The following ADARB2 variants were observed in gnomAD, a reference collection of about 807,000 sequenced individuals.
The protein encoded by ADARB2 is inactive double-stranded RNA-specific editase B2.
A neutral mutation model predicts 62.2 loss-of-function variants in ADARB2; 25 were observed. The ratio of observed to expected loss-of-function variants is 0.40; its 90% CI spans 0.29 to 0.56. The LOEUF (loss-of-function observed/expected upper bound fraction) is 0.56, where lower values mean the gene tolerates loss of function less well. Ranked by LOEUF, ADARB2 falls within the 20% of genes least tolerant of loss-of-function variation. The pLI is 0.43. For synonymous variants in ADARB2, 572 were observed against 500.8 expected, an observed-to-expected ratio of 1.14 and a Z score of -1.90; for missense variants, 1,071 against 1,077.4, an observed-to-expected ratio of 0.99 and a Z score of 0.08.
At chr10:1,184,010 T>G (rs1184630396) in intron 9 of ADARB2, among the ~76,000 whole-genome samples, 2 of 151,972 alleles carry the variant, frequency 1.3e-5, no homozygotes, top group Non-Finnish European at 2.9e-5. Context: ...ACCTTCCAAG[T>G]CTCCAGGAGA....
chr10:1,358,632 GTT>G (rs5782577), intron 3 of ADARB2, among the ~76,000 whole-genome samples: 5 of 129,208 alleles, frequency 3.9e-5, no homozygotes, highest in South Asian at 2.8e-4. Context: ...CAAATGGAAA[GTT>G]TTTTTTTTTC....
chr10:1,223,944 C>T (rs140745915), intron 6 of ADARB2, among the ~76,000 whole-genome samples: 2 of 152,092 alleles, frequency 1.3e-5, no homozygotes, highest in African/African-American at 2.4e-5. Context: ...TCGTAAAATG[C>T]GTTAGGGAGG....
intron 7 of ADARB2, among the ~76,000 whole-genome samples, chr10:1,209,031 G>A (rs1837107157): frequency 6.6e-6 from 1 of 152,184 alleles, no homozygotes; most frequent in Admixed American, 6.5e-5. Flanking sequence ...AGATACCACG[G>A]TGGATTTCAG....
chr10:1,561,357 A>C (rs578145304), intron 1 of ADARB2, among the ~76,000 whole-genome samples: 128 of 152,342 alleles, frequency 8.4e-4, no homozygotes, highest in African/African-American at 2.8e-3. Flanking sequence ...TATTTTCATC[A>C]GTCCCAAACT....
rs116549489 is a variant in ADARB2 at position 1,443,209 on chromosome 10, T to C, written c.101-64049A>G. On this transcript the variant is annotated intron_variant, in intron 1 of 9. Transcript: ENST00000381312. ...AAACACCCAAATTCAAAGCTTATTT[T>C]TCTGTCCTGTGCTTGGGACTCATTT... 1.4e-3 allele frequency among the ~76,000 whole-genome samples: 212 copies of C among 152,256 alleles called. 1 individual carries two copies. The highest frequency in any genetic ancestry group is 4.6e-3 in the African/African-American group (193 of 41,564).
chr10:1,482,908 T>C (rs535077743), intron 1 of ADARB2, among the ~76,000 whole-genome samples: 1 of 152,190 alleles, frequency 6.6e-6, no homozygotes, highest in Non-Finnish European at 1.5e-5. Context: ...AAATTTTCTT[T>C]ATACTTGGGC....
At chr10:1,709,656 C>A (rs1834928596) in intron 1 of ADARB2, among the ~76,000 whole-genome samples, 1 of 152,188 alleles carries the variant, frequency 6.6e-6, no homozygotes, top group Non-Finnish European at 1.5e-5. Flanking sequence ...GGGGAACATT[C>A]TGAAAGTATC....
intron 1 of ADARB2, among the ~76,000 whole-genome samples, chr10:1,449,484 G>A (rs1831012391): frequency 6.6e-6 from 1 of 152,188 alleles, no homozygotes. Flanking sequence ...GGTGTCTCCT[G>A]TGACTTCTGC....
rs1410228067 is a variant in ADARB2 at position 1,186,621 on chromosome 10, G to A, written c.1865-1582C>T. 4 of 508,850 alleles carry A rather than the reference G, an allele frequency of 7.9e-6. No individual in the cohort carries two copies. In the East Asian group the frequency reaches 2.2e-4, roughly 28 times the overall value. 31.5% of individuals were successfully genotyped at this position (508,850 alleles called of 1,614,324 possible). ...CCTGGCCTGCTGTCCTGTGGTGCTT[G>A]GAGGCGAGCGGGGCCCCTGAGTTCT... On this transcript the variant is annotated intron_variant, in intron 8 of 9. Transcript: ENST00000381312.
intron 1 of ADARB2, among the ~76,000 whole-genome samples, chr10:1,456,363 C>T (rs1831095830): frequency 6.6e-6 from 1 of 152,172 alleles, no homozygotes; most frequent in South Asian, 2.1e-4. Flanking sequence ...ACACCAGCAA[C>T]GGCTCCTGGA....
chr10:1,570,908 C>G, intron 1 of ADARB2, among the ~76,000 whole-genome samples: 1 of 152,054 alleles, frequency 6.6e-6, no homozygotes, highest in Non-Finnish European at 1.5e-5. Context: ...GCAGGAGAGG[C>G]TGCTGCTCCA....
At chr10:1,362,970 G>T in intron 3 of ADARB2, 58 bp downstream of exon 3, 1 of 1,265,820 alleles carries the variant, frequency 7.9e-7, no homozygotes, top group South Asian at 2.6e-5. Flanking sequence ...GGAAAGGTCG[G>T]GGTCTCCCCC....
chr10:1,185,270 A>C (rs942891589), intron 8 of ADARB2, among the ~76,000 whole-genome samples: 8 of 152,220 alleles, frequency 5.3e-5, no homozygotes, highest in Non-Finnish European at 1.0e-4. Context: ...TCAACCTTCT[A>C]ATCGAAGATT....
Position 1,363,212 on chromosome 10 carries a change from G to C in ADARB2, c.893C>G (p.Pro298Arg), listed in dbSNP as rs377134415. The change falls in exon 3 of 10, where the codon CCG (proline) becomes CGG (arginine). Residue 298 changes from proline (P) to arginine (R), a missense_variant. Physicochemically the swap from Pro to Arg is moderately radical, Grantham distance 103. Transcript: ENST00000381312. ...AGLRYVCLAEPAERRARSFVM... is the reference protein window; with the variant it reads ...AGLRYVCLAERAERRARSFVM... The stretch of plus-strand genomic sequence containing the variant: ...GAAGCTCCGCGCGCGCCGCTCGGCC[G>C]GTTCTGCCAGACACACGTAGCGCAG... 236 of 1,464,370 alleles carry C rather than the reference G, an allele frequency of 1.6e-4. No homozygotes were observed. In the African/African-American group the frequency reaches 3.3e-3, roughly 21 times the overall value. 90.7% of individuals were successfully genotyped at this position (1,464,370 alleles called of 1,614,324 possible).
At chr10:1,508,646 G>A (rs988522933) in intron 1 of ADARB2, among the ~76,000 whole-genome samples, 1 of 152,188 alleles carries the variant, frequency 6.6e-6, no homozygotes, top group East Asian at 1.9e-4. Context: ...GGATGTGGTG[G>A]TGGGCACCTG....
chr10:1,283,679 G>A (rs557460359), intron 3 of ADARB2, among the ~76,000 whole-genome samples: 4 of 152,186 alleles, frequency 2.6e-5, no homozygotes, highest in African/African-American at 9.6e-5. Context: ...ACATGCCTGA[G>A]CAGTGGAGTG....
chr10:1,651,856 C>A (rs2119073596), intron 1 of ADARB2, among the ~76,000 whole-genome samples: 1 of 152,260 alleles, frequency 6.6e-6, no homozygotes, highest in Non-Finnish European at 1.5e-5. Context: ...CCCACACGAC[C>A]CAGGGTTGGT....
intron 3 of ADARB2, among the ~76,000 whole-genome samples, chr10:1,320,353 TC>T (rs561441820): frequency 6.6e-6 from 1 of 152,216 alleles, no homozygotes; most frequent in Non-Finnish European, 1.5e-5. Context: ...TCCAACTAGA[TC>T]ATCCAGATTT....
chr10:1,278,645 T>A (rs1831342446), intron 3 of ADARB2, among the ~76,000 whole-genome samples: 1 of 152,018 alleles, frequency 6.6e-6, no homozygotes, highest in African/African-American at 2.4e-5. Flanking sequence ...ATCCATTATG[T>A]CCTGCCCTGC....
Sources: gnomAD v4.1 joint callset for allele counts (sites outside exome capture counted in the v4.1 genomes callset) on GRCh38, gnomAD v4.1.1 for gene constraint, MANE v1.5 for transcripts, NCBI Gene and HGNC (gene_info 2026-07-23, HGNC 2026-07-21) for gene names.